Variants in EPHA6 observed in about 807,000 individuals in gnomAD.
EPHA6 encodes the protein ephrin type-A receptor 6.
Under a neutral mutation model 112.0 loss-of-function variants are expected in EPHA6, and 50 were observed. That is an observed-to-expected ratio of 0.45 (90% CI 0.36 to 0.56). EPHA6 has a LOEUF of 0.56. Ranked by LOEUF, EPHA6 falls within the 20% of genes least tolerant of loss-of-function variation. EPHA6 has a pLI of 0.00. For synonymous variants in EPHA6, 529 were observed against 490.7 expected (o/e 1.08, Z -1.03); for missense variants, 1,280 against 1,417.4 (o/e 0.90, Z 1.56).
chr3:97,132,606 C>G (rs1576545083), intron 3 of EPHA6, among the ~76,000 whole-genome samples: 1 of 152,008 alleles, frequency 6.6e-6, no homozygotes, highest in East Asian at 1.9e-4. Flanking sequence ...AAAATGTCCT[C>G]TAACATCACA....
At chr3:96,837,318 A>G (rs965537634) in intron 1 of EPHA6, among the ~76,000 whole-genome samples, 5 of 152,094 alleles carry the variant, frequency 3.3e-5, no homozygotes, top group South Asian at 4.1e-4. Flanking sequence ...CTGGGAGATG[A>G]GGAAGTGTGG....
At chr3:97,093,865 A>G (rs1370801287) in intron 3 of EPHA6, among the ~76,000 whole-genome samples, 3 of 152,148 alleles carry the variant, frequency 2.0e-5, no homozygotes, top group African/African-American at 7.2e-5. Context: ...CCACGGGAGT[A>G]GTAAGACCAA....
chr3:97,555,371 A>G (rs1393874309), intron 11 of EPHA6, among the ~76,000 whole-genome samples: 1 of 152,032 alleles, frequency 6.6e-6, no homozygotes, highest in Non-Finnish European at 1.5e-5. Context: ...GCTATTGTGA[A>G]TAGTGCCGCA....
intron 2 of EPHA6, among the ~76,000 whole-genome samples, chr3:96,867,972 A>T (rs969760488): frequency 6.6e-6 from 1 of 151,864 alleles, no homozygotes; most frequent in Non-Finnish European, 1.5e-5. Context: ...ATTTTTGTTT[A>T]TTCTACTAGA....
chr3:97,432,916 G>A (rs2089602583), intron 6 of EPHA6, among the ~76,000 whole-genome samples: 1 of 152,112 alleles, frequency 6.6e-6, no homozygotes, highest in Non-Finnish European at 1.5e-5. Context: ...GGATTATAGG[G>A]ATTACAACAG....
At chr3:97,741,317 C>T (rs1469935761) in intron 16 of EPHA6, among the ~76,000 whole-genome samples, 1 of 152,002 alleles carries the variant, frequency 6.6e-6, no homozygotes, top group South Asian at 2.1e-4. Context: ...CATGACACTA[C>T]ACTCCAGCCT....
intron 14 of EPHA6, among the ~76,000 whole-genome samples, chr3:97,654,352 A>G (rs1264445777): frequency 6.6e-6 from 1 of 151,990 alleles, no homozygotes; most frequent in Non-Finnish European, 1.5e-5. Context: ...GAGATTCTGT[A>G]CAACAAATCT....
At chr3:97,646,768 C>G (rs530435722) in intron 14 of EPHA6, among the ~76,000 whole-genome samples, 12 of 152,284 alleles carry the variant, frequency 7.9e-5, no homozygotes, top group Admixed American at 2.6e-4. Flanking sequence ...AAAACATATT[C>G]ACAAGTTATG....
intron 3 of EPHA6, among the ~76,000 whole-genome samples, chr3:97,023,300 C>T (rs1229840011): frequency 2.0e-5 from 3 of 152,042 alleles, no homozygotes; most frequent in South Asian, 2.1e-4. Context: ...AGGATGGTCT[C>T]GATCTCCTGA....
chr3:96,970,113 A>G (rs76251934), intron 2 of EPHA6, among the ~76,000 whole-genome samples: 1,614 of 151,970 alleles, frequency 0.011, 24 homozygotes, highest in African/African-American at 0.037. Flanking sequence ...TCTTTTTATT[A>G]AAGTGCTTCT....
At position 96,992,188 on chromosome 3, in the gene EPHA6, G is replaced by A. The variant is rs894781243; in HGVS notation, c.1114+4195G>A. 2.0e-5 allele frequency among the ~76,000 whole-genome samples: 3 copies of A among 152,092 alleles called. No homozygotes were observed. In the South Asian group the frequency reaches 6.2e-4, roughly 32 times the overall value. ...TTTTCTCTCTTCCAAGCTATCACAG[G>A]CAGGATTATTGCCAATTGCTCAGTA... On this transcript the variant is annotated intron_variant, in intron 3 of 17. Transcript: ENST00000389672.
intron 5 of EPHA6, among the ~76,000 whole-genome samples, chr3:97,361,162 A>T (rs1301431140): frequency 6.6e-6 from 1 of 152,232 alleles, no homozygotes; most frequent in Non-Finnish European, 1.5e-5. Context: ...CATCATTTAT[A>T]GCACAATCTA....
intron 3 of EPHA6, among the ~76,000 whole-genome samples, chr3:96,993,155 T>G (rs2107868463): frequency 6.6e-6 from 1 of 152,232 alleles, no homozygotes; most frequent in Non-Finnish European, 1.5e-5. Flanking sequence ...TATCCATCAT[T>G]TTATGAATCA....
intron 7 of EPHA6, among the ~76,000 whole-genome samples, chr3:97,456,231 A>T (rs1383422351): frequency 6.6e-6 from 1 of 152,096 alleles, no homozygotes; most frequent in Admixed American, 6.6e-5. Context: ...AAGATCAGGG[A>T]ACATTTCTTT....
intron 14 of EPHA6, among the ~76,000 whole-genome samples, chr3:97,675,425 A>G (rs2031274049): frequency 6.6e-6 from 1 of 152,184 alleles, no homozygotes. Context: ...GGTTGCAGTG[A>G]GCAGAGATCT....
At position 97,629,569 on chromosome 3, in the gene EPHA6, A is replaced by G. The variant is rs565612720; in HGVS notation, c.2575-8304A>G. ...TCTCATTAATTCTTCTTTTGCATAC[A>G]AAACTTGACATTGATCTTTTGATTG... On this transcript the variant is annotated intron_variant, in intron 13 of 17. Coordinates refer to ENST00000389672, the MANE Select transcript of EPHA6 (RefSeq NM_001080448.3). 3.9e-5 allele frequency among the ~76,000 whole-genome samples: 6 copies of G among 152,132 alleles called. No individual in the cohort carries two copies. The East Asian group carries it at 7.8e-4, about 20-fold the overall frequency.
intron 13 of EPHA6, among the ~76,000 whole-genome samples, chr3:97,629,144 T>C (rs1160988804): frequency 6.6e-6 from 1 of 151,960 alleles, no homozygotes; most frequent in Non-Finnish European, 1.5e-5. Flanking sequence ...CCCAGGCTTG[T>C]CTCAATCTCC....
In EPHA6 at chr3:97,760,627, AGAT is replaced by A. The variant is rs1559657990; in HGVS notation, c.*11930_*11932del. ...ATGGCCGCATCAAATTTTAAATGGT[AGAT>A]GATATCAACAATTGCAGTGCACTCA... On this transcript the variant is annotated 3_prime_UTR_variant, in exon 18 of 18. Coordinates refer to ENST00000389672, the MANE Select transcript of EPHA6 (RefSeq NM_001080448.3). 1 of 179,778 alleles carries A rather than the reference AGAT, an allele frequency of 5.6e-6. No individual in the cohort carries two copies. The highest frequency in any genetic ancestry group is 1.2e-5 in the Non-Finnish European group (1 of 83,972). The allele number at this position is 179,778 out of a possible 1,614,324, so 11.1% of individuals were successfully genotyped here. A position where few individuals can be genotyped will look rare whatever the true frequency, so the allele number is the denominator to read the frequency against.
intron 3 of EPHA6, among the ~76,000 whole-genome samples, chr3:97,122,130 G>C (rs755548104): frequency 6.6e-6 from 1 of 151,958 alleles, no homozygotes; most frequent in African/African-American, 2.4e-5. Flanking sequence ...ATTAGATTTT[G>C]TTTAAAATCT....
Sources: gnomAD v4.1 joint callset for allele counts (sites outside exome capture counted in the v4.1 genomes callset) on GRCh38, gnomAD v4.1.1 for gene constraint, MANE v1.5 for transcripts, NCBI Gene and HGNC (gene_info 2026-07-23, HGNC 2026-07-21) for gene names.